TMEM108: variants seen among roughly 807,000 people sequenced by gnomAD.
The protein encoded by TMEM108 is transmembrane protein 108, also known as cancer/testis antigen 124.
A neutral mutation model predicts 35.1 loss-of-function variants in TMEM108; 12 were observed. The observed-to-expected ratio is 0.34, with a 90% confidence interval of 0.22 to 0.55. TMEM108 has a LOEUF of 0.55. TMEM108 is among the 20% of genes least tolerant of loss of function. TMEM108 has a pLI of 0.89. For missense variants in TMEM108, 680 were observed against 753.3 expected, an observed-to-expected ratio of 0.90 and a Z score of 1.14; for synonymous variants, 287 against 308.6, an observed-to-expected ratio of 0.93 and a Z score of 0.73.
chr3:133,343,271 G>T (rs891759501), intron 3 of TMEM108, among the ~76,000 whole-genome samples: 1 of 151,886 alleles, frequency 6.6e-6, no homozygotes, highest in African/African-American at 2.4e-5. Context: ...AGGATGGGAA[G>T]AAATGATGAT....
At chr3:133,228,317 A>G (rs538492076) in intron 2 of TMEM108, among the ~76,000 whole-genome samples, 2 of 152,342 alleles carry the variant, frequency 1.3e-5, no homozygotes, top group Admixed American at 1.3e-4. Flanking sequence ...ACAAATGACC[A>G]ATAAACATAA....
At chr3:133,063,954 C>T (rs1269669469) in intron 2 of TMEM108, among the ~76,000 whole-genome samples, 1 of 152,200 alleles carries the variant, frequency 6.6e-6, no homozygotes, top group East Asian at 1.9e-4. Context: ...ACGTATTTCA[C>T]CACATAGACA....
intron 2 of TMEM108, among the ~76,000 whole-genome samples, chr3:133,176,928 TAAAG>T (rs1467088977): frequency 2.6e-5 from 4 of 151,556 alleles, no homozygotes; most frequent in African/African-American, 4.9e-5. Flanking sequence ...GCAAGACTAA[TAAAG>T]AAGAAAAGAG....
At chr3:133,068,515 G>T (rs1943637978) in intron 2 of TMEM108, among the ~76,000 whole-genome samples, 2 of 152,118 alleles carry the variant, frequency 1.3e-5, no homozygotes, top group African/African-American at 4.8e-5. Context: ...CCACCTCCTA[G>T]TCAGGGTAAG....
At chr3:133,235,535 G>A (rs866973694) in intron 3 of TMEM108, among the ~76,000 whole-genome samples, 1 of 152,136 alleles carries the variant, frequency 6.6e-6, no homozygotes, top group Non-Finnish European at 1.5e-5. Context: ...ACTTACCTTA[G>A]GTAAGTTACT....
intron 2 of TMEM108, among the ~76,000 whole-genome samples, chr3:133,163,508 T>C (rs1944991192): frequency 6.6e-6 from 1 of 152,114 alleles, no homozygotes; most frequent in African/African-American, 2.4e-5. Flanking sequence ...ATAATAGCTA[T>C]TGTGGTGGAC....
chr3:133,314,871 C>T (rs970561198), intron 3 of TMEM108, among the ~76,000 whole-genome samples: 2 of 152,182 alleles, frequency 1.3e-5, no homozygotes, highest in Non-Finnish European at 2.9e-5. Context: ...ACAGTGACAA[C>T]GACAACCTGG....
At chr3:133,387,247 T>C (rs141828693) in intron 4 of TMEM108, 132 of 985,474 alleles carry the variant, frequency 1.3e-4, no homozygotes, top group Non-Finnish European at 1.2e-4. Context: ...ATCTCTTTAA[T>C]TCTCATTACA....
intron 2 of TMEM108, among the ~76,000 whole-genome samples, chr3:133,055,080 C>T (rs1943450751): frequency 6.6e-6 from 1 of 152,134 alleles, no homozygotes; most frequent in Non-Finnish European, 1.5e-5. Flanking sequence ...AACATTTGCT[C>T]CAGTTTCTCT....
chr3:133,186,052 G>A (rs1945416707), intron 2 of TMEM108, among the ~76,000 whole-genome samples: 1 of 150,280 alleles, frequency 6.7e-6, no homozygotes, highest in African/African-American at 2.4e-5. Context: ...ACAGGCATGA[G>A]CCACCGTGCC....
At chr3:133,057,350 CAAAGT>C (rs746176205) in intron 2 of TMEM108, among the ~76,000 whole-genome samples, 46 of 94,254 alleles carry the variant, frequency 4.9e-4, no homozygotes, top group Non-Finnish European at 9.9e-4. Context: ...TTTTTCTACT[CAAAGT>C]AAGAATAACA....
chr3:133,058,618 G>A (rs1943501369), intron 2 of TMEM108, among the ~76,000 whole-genome samples: 1 of 152,252 alleles, frequency 6.6e-6, no homozygotes. Flanking sequence ...AGGGGTGAGA[G>A]GCCCCCAGAG....
At chr3:133,371,482 C>G (rs1282099423) in intron 3 of TMEM108, among the ~76,000 whole-genome samples, 1 of 152,090 alleles carries the variant, frequency 6.6e-6, no homozygotes, top group Non-Finnish European at 1.5e-5. Context: ...CTGGGCTGCT[C>G]AGACTTCCTC....
At chr3:133,310,863 G>A (rs1329940035) in intron 3 of TMEM108, among the ~76,000 whole-genome samples, 1 of 152,166 alleles carries the variant, frequency 6.6e-6, no homozygotes, top group Non-Finnish European at 1.5e-5. Flanking sequence ...GCTGGTAGCA[G>A]TTGTTCCTTT....
intron 3 of TMEM108, among the ~76,000 whole-genome samples, chr3:133,347,576 A>G (rs935463099): frequency 6.6e-6 from 1 of 152,000 alleles, no homozygotes; most frequent in African/African-American, 2.4e-5. Context: ...CAATCATGTC[A>G]TCTGCAAACA....
chr3:133,208,855 TC>T (rs1459377110), intron 2 of TMEM108, among the ~76,000 whole-genome samples: 2 of 152,200 alleles, frequency 1.3e-5, no homozygotes, highest in Non-Finnish European at 2.9e-5. Flanking sequence ...TAGCTGAATT[TC>T]CACCTCCTTC....
intron 2 of TMEM108, among the ~76,000 whole-genome samples, chr3:133,129,818 A>G (rs1343314538): frequency 6.6e-6 from 1 of 152,074 alleles, no homozygotes; most frequent in East Asian, 1.9e-4. Flanking sequence ...GGGCTACACA[A>G]TAAGTGATCA....
At chr3:133,295,298 G>A (rs116542122) in intron 3 of TMEM108, among the ~76,000 whole-genome samples, 165 of 152,262 alleles carry the variant, frequency 1.1e-3, no homozygotes, top group African/African-American at 3.6e-3. Flanking sequence ...TTTTCTGGAG[G>A]GAGGGATGGA....
rs140960411 is a variant in TMEM108 at position 133,237,440 on chromosome 3, C to G, written c.40+8089C>G. Among the ~76,000 whole-genome samples, 1,238 of 152,164 alleles carry G rather than the reference C, an allele frequency of 8.1e-3. 23 individuals are homozygous for G. Among genetic ancestry groups the G allele is most frequent in the African/African-American group, 0.028 (1,156 of 41,516 alleles). On this transcript the variant is annotated intron_variant, in intron 3 of 5. Coordinates refer to ENST00000321871, the MANE Select transcript of TMEM108 (RefSeq NM_023943.4). ...TTTTAATAGTCCTCTGTTTATTGTC[C>G]TATTCTCAGGTCTTCTCCTTCTAAT...
Sources: allele counts gnomAD v4.1 joint callset (sites outside exome capture counted in the v4.1 genomes callset), GRCh38; gene constraint gnomAD v4.1.1; transcripts MANE v1.5; gene names NCBI Gene and HGNC (gene_info 2026-07-23, HGNC 2026-07-21).